Variants in TGFBR3 observed in about 807,000 individuals in gnomAD.
TGFBR3 encodes transforming growth factor beta receptor 3.
Under a neutral mutation model 87.9 loss-of-function variants are expected in TGFBR3, and 46 were observed. That is an observed-to-expected ratio of 0.52 (90% CI 0.41 to 0.67). The LOEUF (loss-of-function observed/expected upper bound fraction) is 0.67, where lower values mean the gene tolerates loss of function less well. Among genes scored for constraint, TGFBR3 ranks in the 30% least tolerant of loss-of-function variants. The pLI, the probability that TGFBR3 is intolerant of heterozygous loss-of-function variation, is 0.00. For missense variants in TGFBR3, 866 were observed against 1,041.9 expected, an observed-to-expected ratio of 0.83 and a Z score of 2.32; for synonymous variants, 381 against 391.6, an observed-to-expected ratio of 0.97 and a Z score of 0.32.
intron 4 of TGFBR3, among the ~76,000 whole-genome samples, chr1:91,754,212 C>CTCCTCAA (rs58797463): frequency 0.16 from 23,959 of 151,996 alleles, 1,983 homozygotes; most frequent in East Asian, 0.25. Context: ...TACTGTGGCT[C>CTCCTCAA]TCATTTTAGC....
At chr1:91,820,447 G>T (rs994306263) in intron 2 of TGFBR3, among the ~76,000 whole-genome samples, 3 of 152,058 alleles carry the variant, frequency 2.0e-5, no homozygotes, top group Non-Finnish European at 4.4e-5. Flanking sequence ...ACTTTGGGAG[G>T]CCGAGGCGGG....
At chr1:91,886,971 T>A (rs1003979091), upstream of TGFBR3, among the ~76,000 whole-genome samples, 1 of 152,176 alleles carries the variant, frequency 6.6e-6, no homozygotes, top group African/African-American at 2.4e-5. Flanking sequence ...GAAGTTGAAC[T>A]GCTGGCACCA....
chr1:91,758,801 A>T, intron 3 of TGFBR3, 51 bp from the exon 4 acceptor site: 2 of 1,612,388 alleles, frequency 1.2e-6, no homozygotes, highest in Non-Finnish European at 1.7e-6. Context: ...CTTTCCATGA[A>T]AATCACTCAG....
At chr1:91,698,772 C>T (rs1280633307) in intron 14 of TGFBR3, among the ~76,000 whole-genome samples, 6 of 152,058 alleles carry the variant, frequency 3.9e-5, no homozygotes, top group Non-Finnish European at 5.9e-5. Flanking sequence ...TCCCAAAGGC[C>T]GAGGGACTAT....
Position 91,720,106 on chromosome 1 carries a change from G to T in TGFBR3, c.1200C>A (p.Gly400=). 3.1e-6 allele frequency: 5 copies of T among 1,614,122 alleles called. No individual in the cohort carries two copies. The South Asian group carries it at 5.5e-5, about 18-fold the overall frequency. The change falls in exon 9 of 17, where the codon GGC becomes GGA. Residue 400 remains glycine, a synonymous_variant. Coordinates refer to ENST00000212355, the MANE Select transcript of TGFBR3 (RefSeq NM_003243.5). ...AAATATCTGGGAAAGGAAACGGAAG[G>T]CCTCCATTTTGGCCTTCCCCTCCCC... ...PIRGGEGQNG[G]LPFPFPDISR...
At chr1:91,827,148 G>T (rs1364454178) in intron 2 of TGFBR3, among the ~76,000 whole-genome samples, 1 of 152,162 alleles carries the variant, frequency 6.6e-6, no homozygotes. Flanking sequence ...TCTAGGGAAG[G>T]TAAGCTCCCG....
At chr1:91,714,953 C>A (rs1042225177) in intron 12 of TGFBR3, among the ~76,000 whole-genome samples, 2 of 152,198 alleles carry the variant, frequency 1.3e-5, no homozygotes, top group African/African-American at 4.8e-5. Flanking sequence ...GGGCTCTGTC[C>A]CAGAGTCAGT....
At chr1:91,815,885 C>T (rs1207996213) in intron 2 of TGFBR3, among the ~76,000 whole-genome samples, 2 of 152,146 alleles carry the variant, frequency 1.3e-5, no homozygotes, top group African/African-American at 4.8e-5. Flanking sequence ...AGAAAGCCAA[C>T]CAAGACAGAG....
At chr1:91,860,934 CAAAAAAAAAAAAA>C (rs3039477) in intron 2 of TGFBR3, among the ~76,000 whole-genome samples, 3 of 35,636 alleles carry the variant, frequency 8.4e-5, no homozygotes, top group African/African-American at 2.9e-4. Context: ...TCTGTCTCCA[CAAAAAAAAAAAAA>C]AAAAAAAAAA....
At chr1:91,762,854 C>T (rs1674022601) in intron 3 of TGFBR3, among the ~76,000 whole-genome samples, 1 of 152,224 alleles carries the variant, frequency 6.6e-6, no homozygotes, top group Non-Finnish European at 1.5e-5. Flanking sequence ...GAGTGTTTTT[C>T]TGGGGAATCT....
chr1:91,884,507 T>C (rs1679217406), intron 1 of TGFBR3, among the ~76,000 whole-genome samples: 1 of 152,144 alleles, frequency 6.6e-6, no homozygotes, highest in Admixed American at 6.5e-5. Context: ...AGCTGAAAGA[T>C]GGGAGAAGAT....
intron 10 of TGFBR3, among the ~76,000 whole-genome samples, chr1:91,717,699 A>AAC (rs1553161730): frequency 1.4e-5 from 2 of 142,968 alleles, no homozygotes; most frequent in African/African-American, 2.5e-5. Context: ...TAAAAAAAAA[A>AAC]AACAAACTGC....
chr1:91,898,044 T>A lies in TGFBR3; in HGVS notation c.-114+1593A>T, dbSNP rs1196624722. 7.4e-5 allele frequency among the ~76,000 whole-genome samples: 11 copies of A among 148,794 alleles called. No individual in the cohort carries two copies. The East Asian group carries it at 2.0e-3, about 27-fold the overall frequency. On this transcript the variant is annotated intron_variant, in intron 2 of 17. Coordinates refer to the TGFBR3 transcript ENST00000370399. ...TCTCCATTAAAAAATGTTTTCAATT[T>A]AAAAAAAAAAAAAGAAATAAAACAT...
chr1:91,777,657 C>T (rs1041690009), intron 3 of TGFBR3, among the ~76,000 whole-genome samples: 8 of 138,808 alleles, frequency 5.8e-5, no homozygotes, highest in African/African-American at 7.9e-5. Flanking sequence ...TAGCACTTAA[C>T]GTGTTTATCT....
chr1:91,896,360 T>C (rs1404597330), intron 2 of TGFBR3, among the ~76,000 whole-genome samples: 2 of 152,158 alleles, frequency 1.3e-5, no homozygotes, highest in Admixed American at 6.5e-5. Flanking sequence ...GCAACAACCA[T>C]GAAGAGAGAT....
At chr1:91,812,576 A>G (rs1163309155) in intron 2 of TGFBR3, among the ~76,000 whole-genome samples, 3 of 152,128 alleles carry the variant, frequency 2.0e-5, no homozygotes, top group East Asian at 3.9e-4. Flanking sequence ...CAGTTACTAT[A>G]TCTACCAAAT....
chr1:91,719,320 A>G lies in TGFBR3; in HGVS notation c.1558T>C (p.Tyr520His), dbSNP rs1380203559. The G allele has an allele frequency of 6.2e-7, 1 of 1,614,194 alleles. No homozygotes were observed. The highest frequency in any genetic ancestry group is 1.7e-5 in the Admixed American group (1 of 60,034). ...RWSALDGVVY[Y>H]NSIVIQVPAL... ...TTCTGGAAAACACTCACGGAGTTAT[A>G]GTAGACCACACCATCAAGGGCTGAC... The change falls in exon 10 of 17, where the codon TAT becomes CAT. Residue 520 changes from tyrosine to histidine, a missense_variant. By Grantham distance (83) the Tyr-to-His change is moderately conservative (BLOSUM62 2). Coordinates refer to ENST00000212355, the MANE Select transcript of TGFBR3 (RefSeq NM_003243.5).
At chr1:91,769,948 A>G (rs1175504769) in intron 3 of TGFBR3, among the ~76,000 whole-genome samples, 1 of 152,204 alleles carries the variant, frequency 6.6e-6, no homozygotes, top group Non-Finnish European at 1.5e-5. Flanking sequence ...TTGAAGAATG[A>G]TCAAAGTAAA....
At chr1:91,783,989 C>T (rs1440346662) in intron 3 of TGFBR3, among the ~76,000 whole-genome samples, 2 of 152,058 alleles carry the variant, frequency 1.3e-5, no homozygotes, top group African/African-American at 4.8e-5. Flanking sequence ...AAATGAGCAA[C>T]CCAAGGGAGC....
Sources: gnomAD v4.1 joint callset for allele counts (sites outside exome capture counted in the v4.1 genomes callset) on GRCh38, gnomAD v4.1.1 for gene constraint, MANE v1.5 for transcripts, NCBI Gene and HGNC (gene_info 2026-07-23, HGNC 2026-07-21) for gene names.